Variants in LRFN5 observed in about 807,000 individuals in gnomAD.
LRFN5 encodes leucine-rich repeat and fibronectin type-III domain-containing protein 5.
A neutral mutation model predicts 45.6 loss-of-function variants in LRFN5; 24 were observed. The observed-to-expected ratio is 0.53, with a 90% CI of 0.38 to 0.74. The LOEUF (loss-of-function observed/expected upper bound fraction) is 0.74, where lower values mean the gene tolerates loss of function less well. LRFN5 is among the 30% of genes least tolerant of loss of function. The pLI, the probability that LRFN5 is intolerant of heterozygous loss-of-function variation, is 0.00. For missense variants in LRFN5, 776 were observed against 861.5 expected, an observed-to-expected ratio of 0.90 and a Z score of 1.24; for synonymous variants, 340 against 313.8, an observed-to-expected ratio of 1.08 and a Z score of -0.88.
intron 2 of LRFN5, among the ~76,000 whole-genome samples, chr14:41,822,956 G>T (rs1401353050): frequency 6.7e-6 from 1 of 149,160 alleles, no homozygotes; most frequent in Non-Finnish European, 1.5e-5. Flanking sequence ...TCTATTATCA[G>T]TGTAGCTACT....
At chr14:41,734,734 T>G (rs1884351557) in intron 1 of LRFN5, among the ~76,000 whole-genome samples, 1 of 152,208 alleles carries the variant, frequency 6.6e-6, no homozygotes, top group African/African-American at 2.4e-5. Context: ...AGATCATTTG[T>G]TATCTCTTCC....
chr14:41,615,013 G>A (rs942425411), intron 1 of LRFN5, among the ~76,000 whole-genome samples: 6 of 152,042 alleles, frequency 3.9e-5, no homozygotes, highest in African/African-American at 7.2e-5. Flanking sequence ...TTAAGAAATC[G>A]TAGGCTGTAT....
chr14:41,820,144 T>A (rs893323109), intron 2 of LRFN5, among the ~76,000 whole-genome samples: 2 of 151,960 alleles, frequency 1.3e-5, no homozygotes, highest in African/African-American at 4.8e-5. Context: ...TCTATTTTTG[T>A]TTTTGTTGCA....
At chr14:41,673,668 G>A (rs1163045230) in intron 1 of LRFN5, among the ~76,000 whole-genome samples, 4 of 145,448 alleles carry the variant, frequency 2.8e-5, no homozygotes, top group African/African-American at 1.0e-4. Flanking sequence ...GCCGGGCAGG[G>A]GGGCTGACCC....
chr14:41,711,895 CAT>C (rs1170452788), intron 1 of LRFN5, among the ~76,000 whole-genome samples: 2 of 151,992 alleles, frequency 1.3e-5, no homozygotes, highest in Non-Finnish European at 2.9e-5. Flanking sequence ...TGTATGCACA[CAT>C]ATATATGAAT....
chr14:41,889,973 C>G (rs1012125061), intron 3 of LRFN5, among the ~76,000 whole-genome samples: 1 of 152,120 alleles, frequency 6.6e-6, no homozygotes, highest in East Asian at 1.9e-4. Flanking sequence ...AAGCAATTCT[C>G]CTGTCTCAGC....
chr14:41,699,618 T>A (rs146721063), intron 1 of LRFN5: 8 of 152,198 alleles, frequency 5.3e-5, no homozygotes, highest in Admixed American at 1.3e-4. Flanking sequence ...CTGTCTTTGG[T>A]CATAGTCAAT....
chr14:41,885,876 C>T (rs140251719), intron 2 of LRFN5, among the ~76,000 whole-genome samples: 1,654 of 151,678 alleles, frequency 0.011, 18 homozygotes, highest in Non-Finnish European at 0.016. Context: ...ATTAGCTGGG[C>T]GTGGTGTTGG....
At chr14:41,720,388 C>T (rs898876749) in intron 1 of LRFN5, among the ~76,000 whole-genome samples, 9 of 152,014 alleles carry the variant, frequency 5.9e-5, no homozygotes, top group African/African-American at 1.9e-4. Context: ...AGTAGAACAG[C>T]AATGAACATA....
At chr14:41,861,305 C>T (rs1421898394) in intron 2 of LRFN5, among the ~76,000 whole-genome samples, 2 of 152,062 alleles carry the variant, frequency 1.3e-5, no homozygotes, top group African/African-American at 4.8e-5. Flanking sequence ...TGTTTCTTTG[C>T]TTATTCGTTG....
At chr14:41,715,784 G>T (rs1883468914) in intron 1 of LRFN5, among the ~76,000 whole-genome samples, 1 of 152,132 alleles carries the variant, frequency 6.6e-6, no homozygotes, top group Non-Finnish European at 1.5e-5. Flanking sequence ...TCTGGGGTCT[G>T]GAAGACAGTG....
At chr14:41,709,375 T>G (rs1421931101) in intron 1 of LRFN5, among the ~76,000 whole-genome samples, 1 of 152,020 alleles carries the variant, frequency 6.6e-6, no homozygotes, top group Non-Finnish European at 1.5e-5. Context: ...CTGTACATTT[T>G]TGGACCCAGA....
intron 3 of LRFN5, among the ~76,000 whole-genome samples, chr14:41,890,642 G>T (rs1346956768): frequency 3.3e-5 from 5 of 151,054 alleles, no homozygotes; most frequent in African/African-American, 7.3e-5. Flanking sequence ...GGGAGGCGGA[G>T]CTTTCATTGA....
At chr14:41,654,322 A>C (rs982287499) in intron 1 of LRFN5, among the ~76,000 whole-genome samples, 2 of 152,104 alleles carry the variant, frequency 1.3e-5, no homozygotes, top group Non-Finnish European at 2.9e-5. Flanking sequence ...ACAATAGGTA[A>C]TAGGATGTGA....
At chr14:41,677,566 G>T (rs1263146187) in intron 1 of LRFN5, among the ~76,000 whole-genome samples, 2 of 152,048 alleles carry the variant, frequency 1.3e-5, no homozygotes, top group Admixed American at 1.3e-4. Flanking sequence ...TTGTTTGAAA[G>T]AATCAAATGG....
At chr14:41,674,968 C>T (rs1358840015) in intron 1 of LRFN5, among the ~76,000 whole-genome samples, 12 of 146,278 alleles carry the variant, frequency 8.2e-5, no homozygotes, top group Non-Finnish European at 1.2e-4. Context: ...CCAGACGGGG[C>T]GGCAGGGCAA....
At chr14:41,829,773 C>A (rs1279202338) in intron 2 of LRFN5, among the ~76,000 whole-genome samples, 1 of 151,294 alleles carries the variant, frequency 6.6e-6, no homozygotes, top group Non-Finnish European at 1.5e-5. Context: ...CTTTCTGATT[C>A]CACACCTTTT....
At chr14:41,841,600 T>G (rs982681341) in intron 2 of LRFN5, among the ~76,000 whole-genome samples, 1 of 151,962 alleles carries the variant, frequency 6.6e-6, no homozygotes, top group African/African-American at 2.4e-5. Context: ...TCAGAATTTC[T>G]TGACGAATCC....
intron 2 of LRFN5, among the ~76,000 whole-genome samples, chr14:41,807,387 T>C (rs372306669): frequency 6.6e-6 from 1 of 152,148 alleles, no homozygotes. Flanking sequence ...CTGCAGATGA[T>C]ATGTTATCAG....
Sources: allele counts gnomAD v4.1 joint callset (sites outside exome capture counted in the v4.1 genomes callset), GRCh38; gene constraint gnomAD v4.1.1; transcripts MANE v1.5; gene names NCBI Gene and HGNC (gene_info 2026-07-23, HGNC 2026-07-21).